Variants in CRTAC1 observed in about 807,000 individuals in gnomAD.
The protein encoded by CRTAC1 is cartilage acidic protein 1, also known as acidic secreted protein in cartilage.
In CRTAC1, 37 loss-of-function variants were observed where a neutral mutation model predicts 67.8. That is an observed-to-expected ratio of 0.55 (90% confidence interval 0.42 to 0.72). The LOEUF (loss-of-function observed/expected upper bound fraction) is 0.72. CRTAC1 is among the 30% of genes least tolerant of loss of function. The probability of loss-of-function intolerance (pLI) is 0.00; values close to 1 mark genes in which losing one functional copy is unlikely to be tolerated. For missense variants in CRTAC1, 780 were observed against 931.6 expected, an observed-to-expected ratio of 0.84 and a Z score of 2.12; for synonymous variants, 348 against 371.0, an observed-to-expected ratio of 0.94 and a Z score of 0.71.
chr10:97,984,839 C>T (rs2051954218), intron 2 of CRTAC1, among the ~76,000 whole-genome samples: 1 of 152,186 alleles, frequency 6.6e-6, no homozygotes, highest in Non-Finnish European at 1.5e-5. Flanking sequence ...GGGGAGCTCA[C>T]TAGTTCAAAG....
At chr10:97,966,961 C>T (rs186186505) in intron 2 of CRTAC1, among the ~76,000 whole-genome samples, 109 of 146,242 alleles carry the variant, frequency 7.5e-4, no homozygotes, top group Non-Finnish European at 1.4e-3. Flanking sequence ...CTGGCTGAAG[C>T]TGTGTTTGCT....
intron 14 of CRTAC1, chr10:97,879,920 A>G: frequency 1.1e-6 from 1 of 924,648 alleles, no homozygotes; most frequent in East Asian, 2.6e-5. Flanking sequence ...AAATTCAGCC[A>G]AAGATGAGTA....
intron 11 of CRTAC1, among the ~76,000 whole-genome samples, chr10:97,888,315 C>A (rs1366608981): frequency 1.3e-5 from 2 of 152,096 alleles, no homozygotes; most frequent in Non-Finnish European, 2.9e-5. Context: ...TTGGGTATTG[C>A]AGGAGGAGTA....
At chr10:97,927,928 T>G (rs2050946612) in intron 3 of CRTAC1, among the ~76,000 whole-genome samples, 1 of 152,224 alleles carries the variant, frequency 6.6e-6, no homozygotes, top group African/African-American at 2.4e-5. Flanking sequence ...TTCTGGCTCC[T>G]TGTAGCTGCA....
At chr10:97,879,887 G>A in intron 14 of CRTAC1, 1 of 1,224,234 alleles carries the variant, frequency 8.2e-7, no homozygotes, top group East Asian at 2.6e-5. Context: ...AAGGAGTTTG[G>A]GAAGAAGAAA....
intron 3 of CRTAC1, among the ~76,000 whole-genome samples, chr10:97,925,827 T>C (rs1385798286): frequency 6.6e-6 from 1 of 151,958 alleles, no homozygotes; most frequent in African/African-American, 2.4e-5. Context: ...TGAGCGTGAG[T>C]ACTTGTGGGA....
At chr10:97,891,012 T>C (rs1401024944) in intron 11 of CRTAC1, among the ~76,000 whole-genome samples, 2 of 152,206 alleles carry the variant, frequency 1.3e-5, no homozygotes, top group Non-Finnish European at 2.9e-5. Context: ...ACATTTTATA[T>C]ATTTACCTAT....
rs1017277280 is a variant in CRTAC1, at chr10:98,029,185, C to T, written c.24+1264G>A. ...CCCCCATGGCTGAGGGTGAGGTACT[C>T]TGTGACTCTCAATGAGCTCTAATTC... On this transcript the variant is annotated intron_variant, in intron 1 of 14. Transcript: ENST00000370597. The surrounding 1 kb of genome is among the most constrained non-coding windows in gnomAD (Gnocchi z 4.7). Among the ~76,000 whole-genome samples, 1 of 152,198 alleles carries T rather than the reference C, an allele frequency of 6.6e-6. No individual in the cohort carries two copies. The highest frequency in any genetic ancestry group is 1.9e-4 in the East Asian group (1 of 5,204).
chr10:97,879,814 T>C, intron 14 of CRTAC1: 1 of 1,157,100 alleles, frequency 8.6e-7, no homozygotes, highest in South Asian at 1.5e-5. Context: ...GCAAAAACGA[T>C]GCGGCGGGGA....
rs144353883 is a variant in CRTAC1, at chr10:97,915,839, G to A, written c.715+1661C>T. ...GAAGTCTGCAGAGCTGTTCGAACACGTCCTCTGGGCACGCCAGCTGCCCCA... is the reference window on the plus strand; with the variant it reads ...GAAGTCTGCAGAGCTGTTCGAACACATCCTCTGGGCACGCCAGCTGCCCCA... On this transcript the variant is annotated intron_variant, in intron 5 of 14. Transcript: ENST00000370597. 1.0e-3 allele frequency among the ~76,000 whole-genome samples: 154 copies of A among 152,226 alleles called. 1 individual carries two copies. Among genetic ancestry groups the A allele is most frequent in the African/African-American group, 3.5e-3 (147 of 41,546 alleles).
intron 2 of CRTAC1, among the ~76,000 whole-genome samples, chr10:97,979,163 C>T (rs2051853011): frequency 6.6e-6 from 1 of 152,162 alleles, no homozygotes; most frequent in Non-Finnish European, 1.5e-5. Context: ...GGCCAGGAAG[C>T]AGGGCGGGGC....
intron 2 of CRTAC1, among the ~76,000 whole-genome samples, chr10:97,956,574 C>A (rs1208627532): frequency 6.8e-6 from 1 of 145,986 alleles, no homozygotes; most frequent in Non-Finnish European, 1.6e-5. Flanking sequence ...TTAAGCAAAG[C>A]AAAACAAAAC....
chr10:98,017,398 G>T (rs949334213), intron 1 of CRTAC1, among the ~76,000 whole-genome samples: 42 of 152,284 alleles, frequency 2.8e-4, no homozygotes, highest in Non-Finnish European at 2.9e-5. Flanking sequence ...GGGCCAGAGC[G>T]CAGGGTGCCT....
At chr10:97,917,694 C>G in intron 4 of CRTAC1, 38 bp from the exon 5 acceptor site, 2 of 1,471,494 alleles carry the variant, frequency 1.4e-6, no homozygotes, top group Non-Finnish European at 9.1e-7. Flanking sequence ...GCAGGGCCAC[C>G]TTGGCTCATC....
chr10:97,955,448 G>C (rs1398678083), intron 2 of CRTAC1, among the ~76,000 whole-genome samples: 1 of 152,232 alleles, frequency 6.6e-6, no homozygotes. Flanking sequence ...AGCAATGCTT[G>C]AGCAGGAGCC....
intron 14 of CRTAC1, among the ~76,000 whole-genome samples, chr10:97,874,498 A>G (rs531941810): frequency 2.0e-5 from 3 of 152,242 alleles, no homozygotes; most frequent in African/African-American, 7.2e-5. Context: ...TTTCTGGTGA[A>G]TCTGTCAGTT....
intron 6 of CRTAC1, among the ~76,000 whole-genome samples, chr10:97,906,700 C>T (rs1265872941): frequency 6.6e-6 from 1 of 152,184 alleles, no homozygotes; most frequent in Non-Finnish European, 1.5e-5. Context: ...GGGAGTCCAA[C>T]TTCTGCCTTG....
intron 2 of CRTAC1, among the ~76,000 whole-genome samples, chr10:98,009,690 G>A (rs1359015387): frequency 1.3e-5 from 2 of 152,144 alleles, no homozygotes; most frequent in South Asian, 4.1e-4. Flanking sequence ...AATGTTACCC[G>A]CCAGTTACTT....
chr10:97,888,413 G>T (rs1227121969), intron 11 of CRTAC1, among the ~76,000 whole-genome samples: 1 of 152,208 alleles, frequency 6.6e-6, no homozygotes, highest in Non-Finnish European at 1.5e-5. Context: ...GAAAGGGTAA[G>T]TTGTAGCTGA....
Sources: allele counts gnomAD v4.1 joint callset (sites outside exome capture counted in the v4.1 genomes callset), GRCh38; gene constraint gnomAD v4.1.1; non-coding constraint Gnocchi (gnomAD v3.1); transcripts MANE v1.5; gene names NCBI Gene and HGNC (gene_info 2026-07-23, HGNC 2026-07-21).